The following NCF1 variants were observed in gnomAD, a reference collection of about 807,000 sequenced individuals.
NCF1 encodes neutrophil cytosol factor 1.
A neutral mutation model predicts 34.9 loss-of-function variants in NCF1; 8 were observed. That is an observed-to-expected ratio of 0.23 (90% CI 0.13 to 0.41). NCF1 has a LOEUF of 0.41. NCF1 is among the 10% of genes least tolerant of loss of function. The pLI is 1.00. For missense variants in NCF1, 122 were observed against 362.4 expected (o/e 0.34, Z 5.39); for synonymous variants, 57 against 146.3 (o/e 0.39, Z 4.41).
At position 74,777,256 on chromosome 7, in the gene NCF1, C is replaced by A. The variant is rs1554413108; in HGVS notation, c.73-11C>A. 1.2e-6 allele frequency: 2 copies of A among 1,612,766 alleles called. No individual in the cohort carries two copies. Among genetic ancestry groups the A allele is most frequent in the Non-Finnish European group, 1.7e-6 (2 of 1,179,226 alleles). On this transcript the variant is annotated splice_polypyrimidine_tract_variant and intron_variant, in intron 1 of 10. Transcript: ENST00000289473. ...GCTGAATGGGGTCCCCCGACTCTGG[C>A]TTTCCCCCAGGTGTACATGTTCCTG...
intron 2 of NCF1, chr7:74,777,563 C>T: frequency 3.8e-6 from 2 of 533,016 alleles, no homozygotes; most frequent in South Asian, 2.0e-5. Context: ...GGCATGAGCC[C>T]CCACGCTCGG....
intron 2 of NCF1, 101 bp downstream of exon 2, chr7:74,777,448 T>A (rs587626004): frequency 8.6e-6 from 8 of 931,648 alleles, no homozygotes; most frequent in South Asian, 8.3e-5. Flanking sequence ...GAACCCAGAA[T>A]CCCCTCCCAG....
intron 1 of NCF1, among the ~76,000 whole-genome samples, chr7:74,776,625 C>T: frequency 8.0e-5 from 1 of 12,498 alleles, no homozygotes; most frequent in African/African-American, 4.7e-4. Flanking sequence ...TGGTCTTGAA[C>T]GCCTGACCTC....
chr7:74,782,860 C>T lies in NCF1; in HGVS notation c.452-79C>T, dbSNP rs1482916515. On this transcript the variant is annotated intron_variant, in intron 5 of 10. Transcript: ENST00000289473. ...CCCAGGAAATGCAGGGCAGCAGAGA[C>T]TCAAGATGCCAGCGCCTGTTCTGGA... 6 of 1,283,074 alleles carry T rather than the reference C, an allele frequency of 4.7e-6. No individual in the cohort carries two copies. The South Asian group carries it at 4.9e-5, about 10-fold the overall frequency. 79.5% of individuals were successfully genotyped at this position (1,283,074 alleles called of 1,614,324 possible). A position where few individuals can be genotyped will look rare whatever the true frequency, so the allele number is the denominator to read the frequency against.
chr7:74,782,839 G>A (rs1164095674), intron 5 of NCF1, 100 bp from the exon 6 acceptor site: 1 of 1,142,066 alleles, frequency 8.8e-7, no homozygotes, highest in Non-Finnish European at 1.3e-6. Flanking sequence ...TATGCGCCCA[G>A]GAAATGCAGG....
intron 10 of NCF1, 121 bp from the exon 11 acceptor site, chr7:74,788,918 A>G (rs1652279965): frequency 1.9e-6 from 1 of 525,812 alleles, no homozygotes; most frequent in African/African-American, 2.8e-5. Flanking sequence ...CACAAGCGGG[A>G]GGCGAGGCCA....
intron 1 of NCF1, among the ~76,000 whole-genome samples, chr7:74,775,744 CT>C (rs1796457789): frequency 1.5e-5 from 1 of 66,662 alleles, no homozygotes; most frequent in African/African-American, 6.3e-5. Context: ...TTTTCTTTTT[CT>C]TTTTTTGGAC....
Position 74,781,244 on chromosome 7 carries a change from C to CA in NCF1, c.451+430dup, listed in dbSNP as rs1398685096. Reference sequence around the variant, plus strand: ...TGGGCAGCAGAGCCAGACTCCATCTCAAAAAAAAAAAAAAAAAAAAAGAAG... The same window carrying CA: ...TGGGCAGCAGAGCCAGACTCCATCTCAAAAAAAAAAAAAAAAAAAAAAGAAG... On this transcript the variant is annotated intron_variant, in intron 5 of 10. Coordinates refer to ENST00000289473, the MANE Select transcript of NCF1 (RefSeq NM_000265.7). 4.5e-3 allele frequency among the ~76,000 whole-genome samples: 57 copies of CA among 12,712 alleles called. 4 individuals carry two copies. Among genetic ancestry groups the CA allele is most frequent in the East Asian group, 0.016 (2 of 124 alleles). 8.3% of individuals were successfully genotyped at this position (12,712 alleles called of 152,430 possible). A position where few individuals can be genotyped will look rare whatever the true frequency, so the allele number is the denominator to read the frequency against.
chr7:74,781,963 C>T (rs181788842), intron 5 of NCF1, among the ~76,000 whole-genome samples: 1 of 151,704 alleles, frequency 6.6e-6, no homozygotes, highest in East Asian at 1.9e-4. Flanking sequence ...CTGTAAGGTA[C>T]TGGGTGGTTA....
At chr7:74,781,947 C>T (rs1365594650) in intron 5 of NCF1, among the ~76,000 whole-genome samples, 3 of 151,670 alleles carry the variant, frequency 2.0e-5, no homozygotes, top group Non-Finnish European at 4.4e-5. Flanking sequence ...TCTTAATACA[C>T]CCACACTGTA....
chr7:74,787,176 G>A (rs1485804367), intron 8 of NCF1, among the ~76,000 whole-genome samples: 5 of 151,826 alleles, frequency 3.3e-5, no homozygotes, highest in Non-Finnish European at 7.4e-5. Context: ...GGGAGCTCAC[G>A]CCTGTAATCT....
chr7:74,783,156 G>A lies in NCF1; in HGVS notation c.574+95G>A, dbSNP rs782518527. On this transcript the variant is annotated intron_variant, in intron 6 of 10. Transcript: ENST00000289473. ...AAGGCTCAGGCAGCCTTGCCCCTGG[G>A]AGGACTCCGGCTCTGTTAGGGGCCC... 5.1e-6 allele frequency: 8 copies of A among 1,569,114 alleles called. No individual in the cohort carries two copies. In the African/African-American group the frequency reaches 8.1e-5, roughly 16 times the overall value.
At chr7:74,786,958 A>G (rs1371608066) in intron 8 of NCF1, among the ~76,000 whole-genome samples, 1 of 139,130 alleles carries the variant, frequency 7.2e-6, no homozygotes, top group Non-Finnish European at 1.5e-5. Context: ...TTTTTTTTTC[A>G]CTCCCAAATA....
rs1349698155 is a variant in NCF1, at chr7:74,777,073, CCCT to C, written c.73-193_73-191del. Among the ~76,000 whole-genome samples, 4 of 148,128 alleles carry C rather than the reference CCCT, an allele frequency of 2.7e-5. No homozygotes were observed. The Admixed American group carries it at 2.7e-4, about 10-fold the overall frequency. On this transcript the variant is annotated intron_variant, in intron 1 of 10. Transcript: ENST00000289473. The stretch of plus-strand genomic sequence containing the variant: ...CATTTGAGAGAAGCTGACCCTCTTG[CCCT>C]GGGTCTCAAGGCTGGGGCGTGGCAG...
At chr7:74,782,580 C>T (rs1174213466) in intron 5 of NCF1, among the ~76,000 whole-genome samples, 1 of 147,152 alleles carries the variant, frequency 6.8e-6, no homozygotes, top group African/African-American at 2.5e-5. Flanking sequence ...CTTGTCTTTA[C>T]AAAAAATTAG....
At chr7:74,777,698 A>C (rs1796500227) in intron 2 of NCF1, 1 of 314,902 alleles carries the variant, frequency 3.2e-6, no homozygotes, top group Non-Finnish European at 6.2e-6. Flanking sequence ...AGCTGGGACT[A>C]TAGGTGCGCA....
rs372181124 is a variant in NCF1, at chr7:74,784,210, T to C, written c.682+578T>C. ...CCCCAAGTAGCTGGGATTACAAGCA[T>C]GCACCACCATGCCTGGATAATTTTT... On this transcript the variant is annotated intron_variant, in intron 7 of 10. Coordinates refer to ENST00000289473, the MANE Select transcript of NCF1 (RefSeq NM_000265.7). Among the ~76,000 whole-genome samples the C allele has an allele frequency of 1.3e-3, 190 of 149,290 alleles. 1 individual carries two copies. Among genetic ancestry groups the C allele is most frequent in the East Asian group, 6.5e-3 (33 of 5,040 alleles).
chr7:74,787,577 T>A (rs1486290758), intron 8 of NCF1, among the ~76,000 whole-genome samples: 1 of 152,068 alleles, frequency 6.6e-6, no homozygotes, highest in Non-Finnish European at 1.5e-5. Context: ...TGTCTTCTTT[T>A]TTCTTTACTT....
intron 8 of NCF1, among the ~76,000 whole-genome samples, chr7:74,785,841 C>T (rs1445680560): frequency 6.7e-6 from 1 of 149,124 alleles, no homozygotes; most frequent in African/African-American, 2.5e-5. Context: ...CAAGATCGCG[C>T]CATTGCACTC....
Sources: allele counts gnomAD v4.1 joint callset (sites outside exome capture counted in the v4.1 genomes callset), GRCh38; gene constraint gnomAD v4.1.1; transcripts MANE v1.5; gene names NCBI Gene and HGNC (gene_info 2026-07-23, HGNC 2026-07-21).